The following BMAL1 variants were observed in gnomAD, a reference collection of about 807,000 sequenced individuals.
The protein encoded by BMAL1 is basic helix-loop-helix ARNT-like protein 1.
chr11:13,291,136 C>A, the BMAL1 span, among the ~76,000 whole-genome samples: 1 of 152,168 alleles, frequency 6.6e-6, no homozygotes, highest in Non-Finnish European at 1.5e-5. Context: ...TTGTAGTCTA[C>A]TTAAAGGCCA....
chr11:13,361,459 C>T, the BMAL1 span, among the ~76,000 whole-genome samples: 1 of 152,164 alleles, frequency 6.6e-6, no homozygotes, highest in Non-Finnish European at 1.5e-5. Flanking sequence ...CCTGCACAGC[C>T]AACAGAATCT....
chr11:13,284,845 GT>G, the BMAL1 span, among the ~76,000 whole-genome samples: 1 of 152,086 alleles, frequency 6.6e-6, no homozygotes, highest in Admixed American at 6.6e-5. Flanking sequence ...GCACCCCTGT[GT>G]CCAGTCTTCC....
the BMAL1 span, among the ~76,000 whole-genome samples, chr11:13,286,132 G>A: frequency 6.6e-6 from 1 of 152,224 alleles, no homozygotes; most frequent in East Asian, 1.9e-4. Context: ...AAGCTATTTA[G>A]TGGTGACTGT....
the BMAL1 span, among the ~76,000 whole-genome samples, chr11:13,339,430 T>TACAC: frequency 0.041 from 5,861 of 144,198 alleles, 234 homozygotes; most frequent in African/African-American, 0.1. Context: ...GCCCTGCTTT[T>TACAC]ACACACACAC....
the BMAL1 span, among the ~76,000 whole-genome samples, chr11:13,301,262 T>A: frequency 6.6e-6 from 1 of 152,242 alleles, no homozygotes; most frequent in African/African-American, 2.4e-5. Flanking sequence ...TTTCAGTCTC[T>A]GGTGGCTTAT....
At chr11:13,284,148 ATATATATATATGTG>A in the BMAL1 span, among the ~76,000 whole-genome samples, 1 of 31,416 alleles carries the variant, frequency 3.2e-5, no homozygotes, top group South Asian at 1.5e-3. Flanking sequence ...ATATATGTGT[ATATATATATATGTG>A]TGTATATATA....
the BMAL1 span, among the ~76,000 whole-genome samples, chr11:13,364,933 G>C: frequency 6.6e-6 from 1 of 152,200 alleles, no homozygotes; most frequent in African/African-American, 2.4e-5. Context: ...AGTGGGATGG[G>C]TTTAAAAATA....
At chr11:13,374,865 C>G in the BMAL1 span, among the ~76,000 whole-genome samples, 3 of 152,196 alleles carry the variant, frequency 2.0e-5, no homozygotes, top group African/African-American at 7.2e-5. Flanking sequence ...GACAGGCAAT[C>G]AAATGTGAGA....
At chr11:13,360,510 A>T in the BMAL1 span, 2 of 1,288,086 alleles carry the variant, frequency 1.6e-6, no homozygotes, top group South Asian at 1.3e-5. Flanking sequence ...TGATGTTTCA[A>T]CACTGAGCTT....
chr11:13,374,569 G>A, the BMAL1 span, among the ~76,000 whole-genome samples: 2 of 152,128 alleles, frequency 1.3e-5, no homozygotes, highest in South Asian at 2.1e-4. Flanking sequence ...AGGCTCCTGA[G>A]AGAGACCAAC....
chr11:13,323,513 G>C, the BMAL1 span, among the ~76,000 whole-genome samples: 2 of 135,368 alleles, frequency 1.5e-5, no homozygotes, highest in East Asian at 2.2e-4. Context: ...ATTTTTACCT[G>C]GCTACCCAGG....
the BMAL1 span, among the ~76,000 whole-genome samples, chr11:13,280,052 G>T: frequency 6.6e-6 from 1 of 152,210 alleles, no homozygotes; most frequent in Admixed American, 6.5e-5. Flanking sequence ...TGAACTAGGT[G>T]ATCTCAAAGG....
the BMAL1 span, among the ~76,000 whole-genome samples, chr11:13,359,025 T>C: frequency 1.3e-5 from 2 of 152,130 alleles, no homozygotes; most frequent in Non-Finnish European, 2.9e-5. Flanking sequence ...GAAAAGTGAG[T>C]CATGGGTTGT....
the BMAL1 span, among the ~76,000 whole-genome samples, chr11:13,368,966 C>T: frequency 6.6e-6 from 1 of 152,162 alleles, no homozygotes; most frequent in African/African-American, 2.4e-5. Context: ...TCTTTGAAAT[C>T]CTGTGTGTAT....
the BMAL1 span, chr11:13,372,529 G>A: frequency 2.7e-6 from 4 of 1,465,310 alleles, no homozygotes; most frequent in Non-Finnish European, 3.7e-6. Context: ...GAAAGAAAAA[G>A]CTGGGTGCAG....
chr11:13,369,748 T>C, the BMAL1 span: 1 of 1,610,152 alleles, frequency 6.2e-7, no homozygotes, highest in Non-Finnish European at 8.5e-7. Context: ...ACTTCCCCTC[T>C]ACCTGCTCAA....
At chr11:13,375,556 G>A in the BMAL1 span, 1 of 1,434,336 alleles carries the variant, frequency 7.0e-7, no homozygotes, top group South Asian at 1.4e-5. Flanking sequence ...TGGATGTCCT[G>A]TTTAATACTT....
the BMAL1 span, among the ~76,000 whole-genome samples, chr11:13,289,580 T>A: frequency 6.6e-5 from 10 of 152,292 alleles, no homozygotes; most frequent in East Asian, 1.7e-3. Context: ...CCCCGCCCCG[T>A]GTCCAAGTGT....
chr11:13,379,602 C>T, the BMAL1 span: 2 of 152,148 alleles, frequency 1.3e-5, no homozygotes, highest in Non-Finnish European at 2.9e-5. Flanking sequence ...ATTTTAAAAT[C>T]TTTTATAAGT....
Sources: allele counts gnomAD v4.1 joint callset (sites outside exome capture counted in the v4.1 genomes callset), GRCh38; gene constraint gnomAD v4.1.1; transcripts MANE v1.5; gene names NCBI Gene and HGNC (gene_info 2026-07-23, HGNC 2026-07-21).